Variants in KDM7A observed in about 807,000 individuals in gnomAD.
The protein encoded by KDM7A is lysine-specific demethylase 7A.
A neutral mutation model predicts 114.8 loss-of-function variants in KDM7A; 28 were observed. That is an observed-to-expected ratio of 0.24 (90% CI 0.18 to 0.33). The LOEUF is 0.33. Ranked by LOEUF, KDM7A falls within the 10% of genes least tolerant of loss-of-function variation. The pLI, the probability that KDM7A is intolerant of heterozygous loss-of-function variation, is 1.00. For missense variants in KDM7A, 942 were observed against 1,142.5 expected, an observed-to-expected ratio of 0.82 and a Z score of 2.53; for synonymous variants, 423 against 397.8, an observed-to-expected ratio of 1.06 and a Z score of -0.75.
chr7:140,131,119 G>A (rs937445888), intron 3 of KDM7A, among the ~76,000 whole-genome samples: 2 of 151,790 alleles, frequency 1.3e-5, no homozygotes, highest in African/African-American at 2.4e-5. Flanking sequence ...CACCCACCTC[G>A]GCCTCCCAAA....
At chr7:140,148,053 T>A (rs141426457) in intron 1 of KDM7A, among the ~76,000 whole-genome samples, 1 of 152,162 alleles carries the variant, frequency 6.6e-6, no homozygotes, top group Non-Finnish European at 1.5e-5. Context: ...ATTATTATCA[T>A]GTCTCTACCA....
chr7:140,101,456 G>C lies in KDM7A; in HGVS notation c.1638+495C>G, dbSNP rs79863466. 2.8e-3 allele frequency among the ~76,000 whole-genome samples: 430 copies of C among 152,218 alleles called. 1 individual carries two copies. Among genetic ancestry groups the C allele is most frequent in the African/African-American group, 9.9e-3 (412 of 41,522 alleles). ...TTGACTTCTTCCTATTTGTTACTCA[G>C]CTGTCGGTTCAAACCTGAGAGGCTC... On this transcript the variant is annotated intron_variant, in intron 12 of 19. Transcript: ENST00000397560.
At chr7:140,098,496 T>C (rs1254261409) in intron 14 of KDM7A, among the ~76,000 whole-genome samples, 2 of 152,246 alleles carry the variant, frequency 1.3e-5, no homozygotes, top group Admixed American at 6.5e-5. Context: ...TAATCATATA[T>C]ACTTCCTAAT....
chr7:140,159,568 G>A lies in KDM7A; in HGVS notation c.194+17176C>T, dbSNP rs79530114. ...CTTTTCGCGTTATGCATATGTGGAG[G>A]AACAGACTTCAAGCAGGCTTGAGGC... On this transcript the variant is annotated intron_variant, in intron 1 of 19. Coordinates refer to ENST00000397560, the MANE Select transcript of KDM7A (RefSeq NM_030647.2). Among the ~76,000 whole-genome samples, 319 of 152,216 alleles carry A rather than the reference G, an allele frequency of 2.1e-3. 2 individuals are homozygous for A. Among genetic ancestry groups the A allele is most frequent in the African/African-American group, 7.3e-3 (302 of 41,548 alleles).
intron 6 of KDM7A, 119 bp from the exon 7 acceptor site, chr7:140,124,902 T>C (rs957286516): frequency 1.5e-6 from 1 of 665,938 alleles, no homozygotes; most frequent in Non-Finnish European, 2.5e-6. Flanking sequence ...CAGATTCTTT[T>C]AGGTTCAAAA....
At chr7:140,175,346 T>C (rs993655385) in intron 1 of KDM7A, among the ~76,000 whole-genome samples, 3 of 152,272 alleles carry the variant, frequency 2.0e-5, no homozygotes, top group South Asian at 2.1e-4. Flanking sequence ...CCTGGTCTTG[T>C]AGTGTTTCTG....
chr7:140,103,428 A>G (rs1818268134), intron 11 of KDM7A, among the ~76,000 whole-genome samples: 1 of 150,694 alleles, frequency 6.6e-6, no homozygotes, highest in African/African-American at 2.4e-5. Context: ...CTTGTCATTT[A>G]CATTAGGATT....
chr7:140,150,763 C>T (rs527391882), intron 1 of KDM7A, among the ~76,000 whole-genome samples: 1 of 151,846 alleles, frequency 6.6e-6, no homozygotes, highest in Non-Finnish European at 1.5e-5. Context: ...AAGAAAAACA[C>T]ATTCCTGAGC....
chr7:140,096,273 T>C (rs1395863028), intron 17 of KDM7A, among the ~76,000 whole-genome samples: 1 of 152,214 alleles, frequency 6.6e-6, no homozygotes, highest in Admixed American at 6.5e-5. Context: ...TCCACTCTGA[T>C]CAACCTGTCT....
At chr7:140,171,581 A>ATT (rs372430399) in intron 1 of KDM7A, among the ~76,000 whole-genome samples, 53,391 of 143,988 alleles carry the variant, frequency 0.37, 10,049 homozygotes, top group Non-Finnish European at 0.4. Context: ...ATATATATAT[A>ATT]TTTTTATATA....
intron 6 of KDM7A, among the ~76,000 whole-genome samples, chr7:140,125,207 C>A (rs1356597053): frequency 1.3e-5 from 2 of 152,188 alleles, no homozygotes; most frequent in Non-Finnish European, 2.9e-5. Context: ...TAAACTAATT[C>A]TTTGCTACTT....
At chr7:140,115,026 T>C (rs1488378083) in intron 9 of KDM7A, among the ~76,000 whole-genome samples, 3 of 150,462 alleles carry the variant, frequency 2.0e-5, no homozygotes, top group Admixed American at 6.6e-5. Flanking sequence ...AGCCGCCCCG[T>C]CCAGGAGGTT....
At chr7:140,109,104 C>G (rs1421309038) in intron 11 of KDM7A, among the ~76,000 whole-genome samples, 1 of 152,188 alleles carries the variant, frequency 6.6e-6, no homozygotes, top group Non-Finnish European at 1.5e-5. Context: ...GTGCTGTTTG[C>G]TAAGACCATT....
chr7:140,140,963 A>G (rs1201017833), intron 1 of KDM7A, among the ~76,000 whole-genome samples: 2 of 152,172 alleles, frequency 1.3e-5, no homozygotes, highest in Non-Finnish European at 2.9e-5. Context: ...GAATCAAGAA[A>G]AAGATTGCTA....
rs1273524630 is a variant in KDM7A at position 140,176,004 on chromosome 7, G to A, written c.194+740C>T. Among the ~76,000 whole-genome samples the A allele has an allele frequency of 6.6e-6, 1 of 151,798 alleles. No individual in the cohort carries two copies. The highest frequency in any genetic ancestry group is 1.5e-5 in the Non-Finnish European group (1 of 67,910). On this transcript the variant is annotated intron_variant, in intron 1 of 19. Transcript: ENST00000397560. This position sits in a 1 kb window ranked among gnomAD's most constrained non-coding sequence, Gnocchi z 4.4. ...CCCGGCGACCCGGGTGTGTGCGGGG[G>A]CCCAGGACCGCGACCCGGGTCAACC...
intron 2 of KDM7A, among the ~76,000 whole-genome samples, chr7:140,134,420 C>CG (rs1818836713): frequency 1.3e-5 from 2 of 152,172 alleles, no homozygotes; most frequent in Non-Finnish European, 2.9e-5. Context: ...AATTTTCAAA[C>CG]TGTGTGGAAG....
rs553511261 is a variant in KDM7A, at chr7:140,158,635, G to A, written c.194+18109C>T. Among the ~76,000 whole-genome samples, 29 of 152,278 alleles carry A rather than the reference G, an allele frequency of 1.9e-4. No homozygotes were observed. In the South Asian group the frequency reaches 6.0e-3, roughly 32 times the overall value. ...TCAAGACTTGAGCTCAGGGGAGAGA[G>A]CTACGAAAGAAAACAGGTGAGCGCT... On this transcript the variant is annotated intron_variant, in intron 1 of 19. Transcript: ENST00000397560.
chr7:140,149,046 A>G (rs1794371767), intron 1 of KDM7A, among the ~76,000 whole-genome samples: 1 of 152,126 alleles, frequency 6.6e-6, no homozygotes, highest in Admixed American at 6.5e-5. Flanking sequence ...CATGCTTCCA[A>G]CTGTCCCAGG....
At chr7:140,171,812 C>T (rs1794645880) in intron 1 of KDM7A, among the ~76,000 whole-genome samples, 1 of 151,722 alleles carries the variant, frequency 6.6e-6, no homozygotes, top group Non-Finnish European at 1.5e-5. Flanking sequence ...CTGTGTTCAA[C>T]TTTATTATGT....
Sources: allele counts gnomAD v4.1 joint callset (sites outside exome capture counted in the v4.1 genomes callset), GRCh38; gene constraint gnomAD v4.1.1; non-coding constraint Gnocchi (gnomAD v3.1); transcripts MANE v1.5; gene names NCBI Gene and HGNC (gene_info 2026-07-23, HGNC 2026-07-21).